The following APOBEC3H variants were observed in gnomAD, a reference collection of about 807,000 sequenced individuals.
The protein encoded by APOBEC3H is DNA dC->dU-editing enzyme APOBEC-3H.
A neutral mutation model predicts 21.2 loss-of-function variants in APOBEC3H; 8 were observed. The observed-to-expected ratio is 0.38, with a 90% confidence interval of 0.22 to 0.68. The LOEUF (loss-of-function observed/expected upper bound fraction) is 0.68, where lower values mean the gene tolerates loss of function less well. Ranked by LOEUF, APOBEC3H falls within the 30% of genes least tolerant of loss-of-function variation. The pLI, the probability that APOBEC3H is intolerant of heterozygous loss-of-function variation, is 0.52. For missense variants in APOBEC3H, 229 were observed against 228.1 expected, an observed-to-expected ratio of 1.00 and a Z score of -0.03; for synonymous variants, 88 against 91.0, an observed-to-expected ratio of 0.97 and a Z score of 0.19.
At chr22:39,098,881 G>C (rs1335643532) in intron 1 of APOBEC3H, among the ~76,000 whole-genome samples, 2 of 152,176 alleles carry the variant, frequency 1.3e-5, no homozygotes, top group African/African-American at 4.8e-5. Flanking sequence ...CCCTCGGGGA[G>C]ACAGGAGGTG....
rs529677586 is a variant in APOBEC3H at position 39,103,920 on chromosome 22, C to T, written c.*223C>T. 7.8e-5 allele frequency: 46 copies of T among 590,268 alleles called. No homozygotes were observed. In the East Asian group the frequency reaches 1.2e-3, roughly 16 times the overall value. The allele number at this position is 590,268 out of a possible 1,614,324, so 36.6% of individuals were successfully genotyped here. On this transcript the variant is annotated 3_prime_UTR_variant, in exon 5 of 5. Coordinates refer to ENST00000442487, the MANE Select transcript of APOBEC3H (RefSeq NM_181773.5). ...TTCCTTTCCTCCTTTTTCCATATTG[C>T]TTTCTGTTCTAAGTGGGTGAATAAT...
intron 2 of APOBEC3H, 67 bp from the exon 3 acceptor site, chr22:39,101,170 C>CCCCCCCCCCCCCCCCCCCA: frequency 8.3e-7 from 1 of 1,200,022 alleles, no homozygotes; most frequent in Non-Finnish European, 1.2e-6. Context: ...CGGCCCCCGC[C>CCCCCCCCCCCCCCCCCCCA]CCCAGTCACA....
intron 4 of APOBEC3H, among the ~76,000 whole-genome samples, chr22:39,103,364 C>CG (rs1929480893): frequency 6.6e-6 from 1 of 151,956 alleles, no homozygotes; most frequent in Non-Finnish European, 1.5e-5. Flanking sequence ...GAAGAAAACC[C>CG]GGGAAATATG....
At chr22:39,100,151 C>T (rs1428609700) in intron 1 of APOBEC3H, 121 bp from the exon 2 acceptor site, 17 of 1,083,014 alleles carry the variant, frequency 1.6e-5, no homozygotes, top group Middle Eastern at 6.4e-4. Flanking sequence ...CCAGCCTGGG[C>T]GACAGAGCGA....
intron 4 of APOBEC3H, among the ~76,000 whole-genome samples, chr22:39,103,202 C>A (rs1249990704): frequency 6.6e-6 from 1 of 151,670 alleles, no homozygotes; most frequent in Non-Finnish European, 1.5e-5. Flanking sequence ...TGGGAGATTG[C>A]ATGAGTTCAG....
intron 1 of APOBEC3H, among the ~76,000 whole-genome samples, chr22:39,099,391 A>C (rs572518502): frequency 2.0e-5 from 3 of 152,340 alleles, no homozygotes; most frequent in Non-Finnish European, 4.4e-5. Context: ...TCAAACACAC[A>C]CCTGAGCAAA....
chr22:39,100,753 C>T (rs1055917427), intron 2 of APOBEC3H, among the ~76,000 whole-genome samples: 4 of 152,182 alleles, frequency 2.6e-5, no homozygotes, highest in Non-Finnish European at 4.4e-5. Flanking sequence ...TGCCGTGCCA[C>T]GGTCCGAGTG....
intron 2 of APOBEC3H, among the ~76,000 whole-genome samples, chr22:39,101,030 G>A (rs939506089): frequency 3.9e-5 from 6 of 152,104 alleles, no homozygotes; most frequent in Non-Finnish European, 7.3e-5. Context: ...ATTAACACAC[G>A]GGTGCGTGAG....
chr22:39,102,962 CAAAAAAAAAAAAAA>C (rs58524849), intron 4 of APOBEC3H, among the ~76,000 whole-genome samples: 3 of 94,076 alleles, frequency 3.2e-5, no homozygotes, highest in Non-Finnish European at 2.2e-5. Flanking sequence ...GACTCTGTCC[CAAAAAAAAAAAAAA>C]AAAAAAAAAA....
At chr22:39,101,157 T>G (rs1305554232) in intron 2 of APOBEC3H, 80 bp from the exon 3 acceptor site, 3 of 86,586 alleles carry the variant, frequency 3.5e-5, no homozygotes, top group East Asian at 4.6e-4. Context: ...CCCGCCCCCG[T>G]CCCGGCCCCC....
At position 39,104,018 on chromosome 22, in the gene APOBEC3H, C is replaced by A. The variant is rs1929513764; in HGVS notation, c.*321C>A. On this transcript the variant is annotated 3_prime_UTR_variant, in exon 5 of 5. Transcript: ENST00000442487. ...CGGTGGCTCACGCCTGTAATCCTAG[C>A]ACTTTGGGAGGCTGAGATGCTCGGC... is the stretch of plus-strand genomic sequence containing the variant. The A allele has an allele frequency of 7.1e-6, 3 of 420,150 alleles. No individual in the cohort carries two copies. The highest frequency in any genetic ancestry group is 1.3e-5 in the Non-Finnish European group (3 of 232,508). The allele number at this position is 420,150 out of a possible 1,614,324, so 26.0% of individuals were successfully genotyped here.
At chr22:39,100,612 T>C in intron 2 of APOBEC3H, 184 bp downstream of exon 2, 2 of 744,278 alleles carry the variant, frequency 2.7e-6, no homozygotes, top group Non-Finnish European at 4.2e-6. Context: ...CCAGTTTCCC[T>C]AGGACACTCC....
At chr22:39,101,145 T>A (rs530784331) in intron 2 of APOBEC3H, 92 bp from the exon 3 acceptor site, 301 of 50,034 alleles carry the variant, frequency 6.0e-3, no homozygotes, top group South Asian at 8.8e-3. Flanking sequence ...TGCCCCCCCA[T>A]CCCCGCCCCC....
At chr22:39,102,221 T>C (rs1196927180) in intron 4 of APOBEC3H, among the ~76,000 whole-genome samples, 179 bp downstream of exon 4, 1 of 151,846 alleles carries the variant, frequency 6.6e-6, no homozygotes, top group Non-Finnish European at 1.5e-5. Flanking sequence ...TGATCTCGGC[T>C]CAGTGCAACC....
At chr22:39,102,624 C>T (rs1322112567) in intron 4 of APOBEC3H, 2 of 710,506 alleles carry the variant, frequency 2.8e-6, no homozygotes, top group African/African-American at 1.8e-5. Context: ...TCAACCCTGG[C>T]CCCCCTCCCA....
At chr22:39,101,584 G>A in intron 3 of APOBEC3H, 80 bp downstream of exon 3, 1 of 939,980 alleles carries the variant, frequency 1.1e-6, no homozygotes. Context: ...TTGGGGGTTG[G>A]GGGTTGGAGG....
chr22:39,101,160 C>T lies in APOBEC3H; in HGVS notation c.151-77C>T, dbSNP rs1345493854. ...TGCCCCCCCATCCCCGCCCCCGTCC[C>T]GGCCCCCGCCCCCAGTCACATGACT... is the stretch of plus-strand genomic sequence containing the variant. On this transcript the variant is annotated intron_variant, in intron 2 of 4. Coordinates refer to ENST00000442487, the MANE Select transcript of APOBEC3H (RefSeq NM_181773.5). 1.0e-5 allele frequency: 7 copies of T among 674,840 alleles called. No homozygotes were observed. The East Asian group carries it at 1.3e-4, about 12-fold the overall frequency. The allele number at this position is 674,840 out of a possible 1,614,324, so 41.8% of individuals were successfully genotyped here.
At chr22:39,097,746 G>A (rs1313910399) in intron 1 of APOBEC3H, among the ~76,000 whole-genome samples, 5 of 152,186 alleles carry the variant, frequency 3.3e-5, no homozygotes, top group African/African-American at 1.2e-4. Context: ...CTTTGTGTAA[G>A]ATTACTTTGT....
At chr22:39,100,508 G>A (rs796523982) in intron 2 of APOBEC3H, 80 bp downstream of exon 2, 6 of 1,527,666 alleles carry the variant, frequency 3.9e-6, no homozygotes, top group Middle Eastern at 2.4e-4. Context: ...TGAAATGCCT[G>A]CCTATAAATT....
Sources: allele counts gnomAD v4.1 joint callset (sites outside exome capture counted in the v4.1 genomes callset), GRCh38; gene constraint gnomAD v4.1.1; transcripts MANE v1.5; gene names NCBI Gene and HGNC (gene_info 2026-07-23, HGNC 2026-07-21).